The following DGLUCY variants were observed in gnomAD, a reference collection of about 807,000 sequenced individuals.
DGLUCY encodes D-glutamate cyclase, mitochondrial.
In DGLUCY, 58 loss-of-function variants were observed where a neutral mutation model predicts 58.5. The observed-to-expected ratio is 0.99, with a 90% CI of 0.80 to 1.23. DGLUCY has a LOEUF of 1.23. Ranked by LOEUF, DGLUCY falls within the 50% of genes most tolerant of loss-of-function variation. The probability of loss-of-function intolerance (pLI) is 0.00; values close to 1 mark genes in which losing one functional copy is unlikely to be tolerated. For missense variants in DGLUCY, 779 were observed against 784.7 expected, an observed-to-expected ratio of 0.99 and a Z score of 0.09; for synonymous variants, 325 against 314.1, an observed-to-expected ratio of 1.03 and a Z score of -0.37.
intron 1 of DGLUCY, among the ~76,000 whole-genome samples, chr14:91,064,622 CAAA>C (rs35830145): frequency 1.6e-4 from 9 of 57,608 alleles, no homozygotes; most frequent in African/African-American, 5.6e-4. Flanking sequence ...GACTCTGTCT[CAAA>C]AAAAAAAAAA....
At chr14:91,070,640 T>C (rs972259714) in intron 1 of DGLUCY, among the ~76,000 whole-genome samples, 11 of 152,132 alleles carry the variant, frequency 7.2e-5, no homozygotes, top group African/African-American at 2.7e-4. Context: ...AAAGCCACTT[T>C]GGAATCAACC....
chr14:91,076,732 GC>G (rs1170867909), intron 1 of DGLUCY, among the ~76,000 whole-genome samples: 1 of 152,154 alleles, frequency 6.6e-6, no homozygotes, highest in Non-Finnish European at 1.5e-5. Context: ...GGCAGAGGGG[GC>G]AGTGAGAGCA....
At chr14:91,100,073 A>AAAAGG (rs1566940033) in intron 1 of DGLUCY, among the ~76,000 whole-genome samples, 1 of 121,174 alleles carries the variant, frequency 8.3e-6, no homozygotes, top group Non-Finnish European at 1.7e-5. Context: ...AAAAAAAAAA[A>AAAAGG]AAGAAGAAGA....
intron 1 of DGLUCY, among the ~76,000 whole-genome samples, chr14:91,087,612 C>T (rs1052017603): frequency 6.6e-6 from 1 of 152,224 alleles, no homozygotes; most frequent in African/African-American, 2.4e-5. Context: ...CTCAACATTG[C>T]ACAAGTTACT....
At chr14:91,137,552 A>ATTT (rs55763052) in intron 1 of DGLUCY, among the ~76,000 whole-genome samples, 1 of 139,780 alleles carries the variant, frequency 7.2e-6, no homozygotes, top group Admixed American at 7.2e-5. Context: ...CGCCTGGCTA[A>ATTT]TTTTTTTTTT....
At chr14:91,111,413 G>T (rs939634308), upstream of DGLUCY, among the ~76,000 whole-genome samples, 4 of 151,868 alleles carry the variant, frequency 2.6e-5, no homozygotes, top group African/African-American at 9.7e-5. Flanking sequence ...CTCCCAAGTA[G>T]CTGGGATTAC....
chr14:91,203,381 G>A (rs2050688488), intron 11 of DGLUCY, among the ~76,000 whole-genome samples: 1 of 152,204 alleles, frequency 6.6e-6, no homozygotes, highest in African/African-American at 2.4e-5. Flanking sequence ...AAGAACACTA[G>A]CCTCTGACAG....
chr14:91,160,243 T>G, intron 2 of DGLUCY, 23 bp from the exon 3 acceptor site: 2 of 1,430,746 alleles, frequency 1.4e-6, no homozygotes, highest in Non-Finnish European at 2.0e-6. Flanking sequence ...TTCTAATTTG[T>G]TCCCTTTCCT....
At chr14:91,181,128 A>G (rs2049143854) in intron 7 of DGLUCY, 58 bp from the exon 8 acceptor site, 18 of 1,535,158 alleles carry the variant, frequency 1.2e-5, no homozygotes, top group East Asian at 4.5e-5. Flanking sequence ...GGGCTAGATG[A>G]GGGTAGGCTG....
chr14:91,066,583 G>T (rs964112239), intron 1 of DGLUCY, among the ~76,000 whole-genome samples: 1 of 151,934 alleles, frequency 6.6e-6, no homozygotes, highest in South Asian at 2.1e-4. Flanking sequence ...CTTGAGCCCA[G>T]GAGTTCTTGA....
chr14:91,137,150 T>TC (rs1357430222), intron 1 of DGLUCY, among the ~76,000 whole-genome samples: 4 of 151,298 alleles, frequency 2.6e-5, no homozygotes, highest in Non-Finnish European at 5.9e-5. Flanking sequence ...TTTTTTTTTT[T>TC]CCCGTAGAGA....
intron 8 of DGLUCY, among the ~76,000 whole-genome samples, chr14:91,184,633 AAGGGAGGGAGGGAGGGAGGGAGGGAAGG>A (rs1318255143): frequency 0.017 from 793 of 46,612 alleles, 18 homozygotes; most frequent in African/African-American, 0.075. Flanking sequence ...GGAAGGAAGG[AAGGGAGGGAGGGAGGGAGGGAGGGAAGG>A]AGGGAGGGAG....
At chr14:91,211,660 A>G (rs1885693147) in intron 12 of DGLUCY, among the ~76,000 whole-genome samples, 1 of 152,256 alleles carries the variant, frequency 6.6e-6, no homozygotes, top group Non-Finnish European at 1.5e-5. Flanking sequence ...AGACATATAG[A>G]CGTTACATCC....
chr14:91,093,188 A>C (rs2044341665), intron 1 of DGLUCY, among the ~76,000 whole-genome samples: 1 of 152,178 alleles, frequency 6.6e-6, no homozygotes, highest in Admixed American at 6.5e-5. Context: ...TAATGACTAT[A>C]ATGATGATAT....
chr14:91,143,572 A>G (rs1422478141), intron 1 of DGLUCY, among the ~76,000 whole-genome samples: 3 of 152,156 alleles, frequency 2.0e-5, no homozygotes, highest in Admixed American at 1.3e-4. Flanking sequence ...CAGCAAATCT[A>G]TGTTTGGCAA....
At chr14:91,094,079 C>G (rs532534679) in intron 1 of DGLUCY, among the ~76,000 whole-genome samples, 1 of 152,078 alleles carries the variant, frequency 6.6e-6, no homozygotes, top group African/African-American at 2.4e-5. Context: ...CTAAATTGTA[C>G]GCTTGAAAAC....
At position 91,114,236 on chromosome 14, in the gene DGLUCY, A is replaced by G. The variant is rs2044770912; in HGVS notation, c.-129A>G. Reference sequence around the variant, plus strand: ...ACACATTCTGCAAGGCCGTGGAAACAAAGGGAGGAACTGTTTGTAGCCCTC... The same window carrying G: ...ACACATTCTGCAAGGCCGTGGAAACGAAGGGAGGAACTGTTTGTAGCCCTC... On this transcript the variant is annotated 5_prime_UTR_variant, in exon 1 of 14. Transcript: ENST00000256324. 6.6e-6 allele frequency: 1 copy of G among 152,358 alleles called. No homozygotes were observed. The highest frequency in any genetic ancestry group is 2.1e-4 in the South Asian group (1 of 4,832). The allele number at this position is 152,358 out of a possible 1,614,324, so 9.4% of individuals were successfully genotyped here.
intron 1 of DGLUCY, among the ~76,000 whole-genome samples, chr14:91,076,569 G>T (rs1359171872): frequency 2.0e-5 from 3 of 152,096 alleles, no homozygotes; most frequent in Non-Finnish European, 4.4e-5. Context: ...GTTCCAATAG[G>T]AACCTGTTTA....
At chr14:91,075,562 A>C (rs1186702593) in intron 1 of DGLUCY, among the ~76,000 whole-genome samples, 2 of 152,180 alleles carry the variant, frequency 1.3e-5, no homozygotes, top group Admixed American at 1.3e-4. Flanking sequence ...CTTCCTCAAA[A>C]TAAGTGCGTC....
Sources: allele counts gnomAD v4.1 joint callset (sites outside exome capture counted in the v4.1 genomes callset), GRCh38; gene constraint gnomAD v4.1.1; transcripts MANE v1.5; gene names NCBI Gene and HGNC (gene_info 2026-07-23, HGNC 2026-07-21).